Variants in TMEM47 observed in about 807,000 individuals in gnomAD.
TMEM47 encodes transmembrane protein 47.
TMEM47 carries 3 observed loss-of-function variants against 12.4 expected under a neutral mutation model. That is an observed-to-expected ratio of 0.24 (90% CI 0.11 to 0.63). The LOEUF is 0.63. Ranked by LOEUF, TMEM47 falls within the 20% of genes least tolerant of loss-of-function variation. TMEM47 has a pLI of 0.86. For synonymous variants in TMEM47, 62 were observed against 63.3 expected (o/e 0.98, Z 0.10); for missense variants, 89 against 143.8 (o/e 0.62, Z 1.95).
chrX:34,631,276 A>T (rs1921619506), intron 2 of TMEM47, among the ~76,000 whole-genome samples: 1 of 108,678 alleles, frequency 9.2e-6, no homozygotes, highest in Admixed American at 1.0e-4. Context: ...AATTCAAATT[A>T]ATTTCTACTG....
At chrX:34,647,643 T>C (rs1005891664) in intron 1 of TMEM47, among the ~76,000 whole-genome samples, 6 of 111,780 alleles carry the variant, frequency 5.4e-5, no homozygotes, top group Admixed American at 2.9e-4. Flanking sequence ...GGTGTCCTTG[T>C]CTAATTTTCA....
At chrX:34,656,737 G>C (rs1342945006) in intron 1 of TMEM47, 67 bp downstream of exon 1, 29 of 1,133,821 alleles carry the variant, frequency 2.6e-5, no homozygotes, top group South Asian at 8.4e-5. Context: ...GGCGGTGACT[G>C]TCCTGGCAGT....
intron 2 of TMEM47, among the ~76,000 whole-genome samples, chrX:34,630,692 G>A (rs1290716965): frequency 4.6e-5 from 5 of 109,482 alleles, no homozygotes; most frequent in Non-Finnish European, 9.5e-5. Flanking sequence ...CAATATATAA[G>A]AATTATCCTA....
chrX:34,656,761 G>T, intron 1 of TMEM47, 43 bp downstream of exon 1: 1 of 1,151,106 alleles, frequency 8.7e-7, no homozygotes, highest in African/African-American at 1.8e-5. Flanking sequence ...GCGCGGGGCA[G>T]TCCGGGGCGG....
intron 2 of TMEM47, among the ~76,000 whole-genome samples, chrX:34,634,584 A>G (rs1452517565): frequency 1.8e-5 from 2 of 112,142 alleles, no homozygotes; most frequent in Non-Finnish European, 3.8e-5. Flanking sequence ...TTATAAATCA[A>G]TGCATTCAAC....
intron 1 of TMEM47, among the ~76,000 whole-genome samples, chrX:34,650,132 C>G (rs1921990337): frequency 1.8e-5 from 2 of 112,267 alleles, no homozygotes; most frequent in Admixed American, 1.9e-4. Context: ...TAATAAACAT[C>G]TGAAATGTAC....
intron 1 of TMEM47, among the ~76,000 whole-genome samples, chrX:34,654,714 A>C (rs985284515): frequency 1.8e-5 from 2 of 111,962 alleles, no homozygotes; most frequent in African/African-American, 6.5e-5. Context: ...TATATACACA[A>C]AGTCAAGAAC....
chrX:34,643,925 A>C (rs1340697211), intron 1 of TMEM47, among the ~76,000 whole-genome samples: 1 of 110,673 alleles, frequency 9.0e-6, no homozygotes, highest in East Asian at 2.8e-4. Flanking sequence ...TCTGAAAACC[A>C]AACCTGAAAT....
chrX:34,641,949 C>A (rs767913406), intron 1 of TMEM47, among the ~76,000 whole-genome samples: 1 of 112,419 alleles, frequency 8.9e-6, no homozygotes, highest in Non-Finnish European at 1.9e-5. Context: ...CTCCGTCTCC[C>A]GGGTTCAAGT....
chrX:34,657,247 C>T lies in TMEM47; in HGVS notation c.-218G>A, dbSNP rs751001800. 2.4e-6 allele frequency: 1 copy of T among 411,863 alleles called. No individual in the cohort carries two copies. The highest frequency in any genetic ancestry group is 6.8e-5 in the Admixed American group (1 of 14,764). The allele number at this position is 411,863 out of a possible 1,213,427, so 33.9% of individuals were successfully genotyped here. Reference sequence around the variant, plus strand: ...GTCGGCAGCCGCAGCGACGTCGATTCCACCCCGGACCTTCGCCGCCGGCCC... The same window carrying T: ...GTCGGCAGCCGCAGCGACGTCGATTTCACCCCGGACCTTCGCCGCCGGCCC... On this transcript the variant is annotated 5_prime_UTR_variant, in exon 1 of 3. Transcript: ENST00000275954.
At chrX:34,637,867 AT>A (rs1185703540) in intron 2 of TMEM47, among the ~76,000 whole-genome samples, 3 of 109,082 alleles carry the variant, frequency 2.8e-5, no homozygotes, top group South Asian at 4.0e-4. Flanking sequence ...TACTTTTATT[AT>A]TTTTTTTTCC....
chrX:34,648,095 T>A (rs957429386), intron 1 of TMEM47, among the ~76,000 whole-genome samples: 2 of 111,928 alleles, frequency 1.8e-5, no homozygotes, highest in African/African-American at 3.3e-5. Flanking sequence ...ATAGGAAGAA[T>A]CAATAGCATT....
At chrX:34,645,547 A>G (rs1438449029) in intron 1 of TMEM47, among the ~76,000 whole-genome samples, 1 of 111,534 alleles carries the variant, frequency 9.0e-6, no homozygotes, top group Non-Finnish European at 1.9e-5. Context: ...GAGGTGGAAA[A>G]CTGAAACGTT....
At chrX:34,642,764 T>C (rs1921841526) in intron 1 of TMEM47, among the ~76,000 whole-genome samples, 1 of 112,128 alleles carries the variant, frequency 8.9e-6, no homozygotes, top group African/African-American at 3.2e-5. Context: ...CAAAAGAAAC[T>C]AGAAATGGGC....
intron 1 of TMEM47, among the ~76,000 whole-genome samples, chrX:34,640,902 T>C (rs1389407263): frequency 2.7e-5 from 3 of 111,398 alleles, no homozygotes; most frequent in Non-Finnish European, 3.8e-5. Flanking sequence ...CAAGGGGAAA[T>C]TGAACAAATC....
chrX:34,630,287 T>C lies in TMEM47; in HGVS notation c.*26A>G, dbSNP rs755261595. On this transcript the variant is annotated 3_prime_UTR_variant, in exon 3 of 3. Transcript: ENST00000275954. ...TAATCCTTTTGTTGGATGGTGGTGG[T>C]TGTTTTTACTTTGAGACTATTGGTT... The C allele has an allele frequency of 8.7e-6, 10 of 1,154,813 alleles. No homozygotes were observed. The highest frequency in any genetic ancestry group is 2.3e-5 in the Admixed American group (1 of 42,767).
rs1403441238 is a variant in TMEM47 at position 34,629,413 on chromosome X, G to A, written c.*900C>T. ...TTAGTGCTCAAACCACTTCACTAGA[G>A]TAAATATTAATTTTACGTGTGATAG... On this transcript the variant is annotated 3_prime_UTR_variant, in exon 3 of 3. Transcript: ENST00000275954. The A allele has an allele frequency of 1.8e-5, 2 of 111,656 alleles. No homozygotes were observed. The highest frequency in any genetic ancestry group is 3.8e-5 in the Non-Finnish European group (2 of 53,146). 9.2% of individuals were successfully genotyped at this position (111,656 alleles called of 1,213,427 possible).
At position 34,643,562 on chromosome X, in the gene TMEM47, G is replaced by A. The variant is rs1261057890; in HGVS notation, c.227-4175C>T. 4.5e-5 allele frequency among the ~76,000 whole-genome samples: 5 copies of A among 111,801 alleles called. No homozygotes were observed. The Admixed American group carries it at 4.8e-4, about 11-fold the overall frequency. ...TCAGTTAATTTCTATATCAATTTTA[G>A]TTGTCCAATTATAGCCTTCACAGTA... On this transcript the variant is annotated intron_variant, in intron 1 of 2. Coordinates refer to ENST00000275954, the MANE Select transcript of TMEM47 (RefSeq NM_031442.4).
intron 1 of TMEM47, among the ~76,000 whole-genome samples, chrX:34,656,475 AT>A (rs1399787790): frequency 9.1e-6 from 1 of 110,109 alleles, no homozygotes; most frequent in Non-Finnish European, 1.9e-5. Context: ...AAGGCGTCGC[AT>A]TTTTTTACAC....
Sources: allele counts gnomAD v4.1 joint callset (sites outside exome capture counted in the v4.1 genomes callset), GRCh38; gene constraint gnomAD v4.1.1; transcripts MANE v1.5; gene names NCBI Gene and HGNC (gene_info 2026-07-23, HGNC 2026-07-21).